SMG9: variants seen among roughly 807,000 people sequenced by gnomAD.
The protein encoded by SMG9 is SMG9 nonsense mediated mRNA decay factor, also known as nonsense-mediated mRNA decay factor SMG9.
A neutral mutation model predicts 64.0 loss-of-function variants in SMG9; 55 were observed. The ratio of observed to expected loss-of-function variants is 0.86; its 90% CI spans 0.69 to 1.08. The LOEUF is 1.08. SMG9 is among the 50% of genes least tolerant of loss of function. The probability of loss-of-function intolerance (pLI) is 0.00; values close to 1 mark genes in which losing one functional copy is unlikely to be tolerated. For missense variants in SMG9, 554 were observed against 681.3 expected (o/e 0.81, Z 2.08); for synonymous variants, 244 against 254.8 (o/e 0.96, Z 0.41).
At chr19:43,736,428 G>A (rs540925962) in intron 9 of SMG9, among the ~76,000 whole-genome samples, 2 of 151,836 alleles carry the variant, frequency 1.3e-5, no homozygotes, top group South Asian at 2.1e-4. Flanking sequence ...ACCTCCCAGC[G>A]GTCTCCTGGG....
At chr19:43,740,365 G>T (rs2146379423) in intron 6 of SMG9, 147 bp from the exon 7 acceptor site, 1 of 659,326 alleles carries the variant, frequency 1.5e-6, no homozygotes. Flanking sequence ...GTCAGGGGGT[G>T]GGAGGCGGGG....
intron 5 of SMG9, among the ~76,000 whole-genome samples, chr19:43,745,199 G>A (rs576794713): frequency 6.6e-6 from 1 of 152,328 alleles, no homozygotes; most frequent in African/African-American, 2.4e-5. Context: ...TGATCTTGGA[G>A]AAGTGAAAGT....
intron 2 of SMG9, among the ~76,000 whole-genome samples, chr19:43,748,500 G>A (rs1038241616): frequency 1.3e-5 from 2 of 152,228 alleles, no homozygotes; most frequent in Non-Finnish European, 2.9e-5. Context: ...TGATGAGGAT[G>A]AAAGGAGAGA....
chr19:43,738,186 A>C lies in SMG9; in HGVS notation c.845T>G (p.Leu282Arg). Reference sequence around the variant, plus strand: ...AGGCAGTTTGCGGTCATTATTGATGAGATGGTCTAGGATAGAAGGGCTCAG... The same window carrying C: ...AGGCAGTTTGCGGTCATTATTGATGCGATGGTCTAGGATAGAAGGGCTCAG... ...PILSPSILDH[L>R]INNDRKLPPE... The change falls in exon 8 of 14, where the codon CTC becomes CGC. Residue 282 changes from leucine to arginine, a missense_variant. Transcript: ENST00000270066. 1 of 1,614,120 alleles carries C rather than the reference A, an allele frequency of 6.2e-7. No homozygotes were observed. The highest frequency in any genetic ancestry group is 8.5e-7 in the Non-Finnish European group (1 of 1,180,012).
chr19:43,733,323 C>T lies in SMG9; in HGVS notation c.1339+1G>A, dbSNP rs140688761. 3 of 1,613,706 alleles carry T rather than the reference C, an allele frequency of 1.9e-6. No individual in the cohort carries two copies. The highest frequency in any genetic ancestry group is 1.3e-5 in the African/African-American group (1 of 74,854). On this transcript the variant is annotated splice_donor_variant, in intron 12 of 13. Transcript: ENST00000270066. LOFTEE classifies it high-confidence loss of function. ...CATGAACCTGTTGAGGGTAACTGTA[C>T]CTGCTCTTGGTGGGTTTTCACTCTC... is the stretch of plus-strand genomic sequence containing the variant.
intron 7 of SMG9, among the ~76,000 whole-genome samples, chr19:43,739,095 C>T (rs1968764106): frequency 6.6e-6 from 1 of 152,210 alleles, no homozygotes; most frequent in Non-Finnish European, 1.5e-5. Context: ...TGGGAACAGA[C>T]ACGGTGGCAA....
At position 43,731,463 on chromosome 19, in the gene SMG9, G is replaced by A; in HGVS notation, c.*133C>T. 2 of 1,491,408 alleles carry A rather than the reference G, an allele frequency of 1.3e-6. No individual in the cohort carries two copies. The highest frequency in any genetic ancestry group is 1.8e-6 in the Non-Finnish European group (2 of 1,117,450). The allele number at this position is 1,491,408 out of a possible 1,614,324, so 92.4% of individuals were successfully genotyped here. ...GGCCCTGGACACCTCATGTCTCTGGGCCGGGAAGCCACGATCCCTCATCCA... is the reference window on the plus strand; with the variant it reads ...GGCCCTGGACACCTCATGTCTCTGGACCGGGAAGCCACGATCCCTCATCCA... On this transcript the variant is annotated 3_prime_UTR_variant, in exon 14 of 14. Transcript: ENST00000270066.
At chr19:43,740,359 G>T (rs1233413671) in intron 6 of SMG9, 141 bp from the exon 7 acceptor site, 1 of 675,302 alleles carries the variant, frequency 1.5e-6, no homozygotes. Context: ...GCCCATGTCA[G>T]GGGGTGGGAG....
At position 43,736,924 on chromosome 19, in the gene SMG9, G is replaced by A. The variant is rs192855377; in HGVS notation, c.995+673C>T. ...AAGGGTATTTCCCACTGAGGGAGGC[G>A]GAGTGCAGAGGTCCTGGGCTGCAGG... On this transcript the variant is annotated intron_variant, in intron 9 of 13. Transcript: ENST00000270066. 6.4e-4 allele frequency among the ~76,000 whole-genome samples: 97 copies of A among 152,286 alleles called. 1 individual carries two copies. The South Asian group carries it at 8.9e-3, about 14-fold the overall frequency.
At chr19:43,746,941 C>G (rs1439864467) in intron 5 of SMG9, among the ~76,000 whole-genome samples, 2 of 151,970 alleles carry the variant, frequency 1.3e-5, no homozygotes, top group Admixed American at 1.3e-4. Context: ...CTTACCTCAG[C>G]CTCCTGAGTG....
rs1223867108 is a variant in SMG9 at position 43,754,921 on chromosome 19, C to G, written c.-274G>C. 6.6e-6 allele frequency: 1 copy of G among 152,310 alleles called. No homozygotes were observed. The highest frequency in any genetic ancestry group is 1.5e-5 in the Non-Finnish European group (1 of 68,088). The allele number at this position is 152,310 out of a possible 1,614,324, so 9.4% of individuals were successfully genotyped here. A position where few individuals can be genotyped will look rare whatever the true frequency, so the allele number is the denominator to read the frequency against. ...CTGAGATCAGTTCCCTCAGGCGACT[C>G]GTCCTGCGCATGCGCTGAGGGCTGG... On this transcript the variant is annotated 5_prime_UTR_variant, in exon 1 of 14. Transcript: ENST00000270066.
chr19:43,733,907 A>C (rs1443925089), intron 10 of SMG9, 174 bp from the exon 11 acceptor site: 1 of 604,562 alleles, frequency 1.7e-6, no homozygotes, highest in Non-Finnish European at 2.9e-6. Context: ...CTGGGGACCC[A>C]GAAGTGAGTC....
Position 43,728,955 on chromosome 19 carries a change from C to CT in SMG9, c.*2640dup. The CT allele has an allele frequency of 1.0e-6, 1 of 985,396 alleles. No individual in the cohort carries two copies. Among genetic ancestry groups the CT allele is most frequent in the Non-Finnish European group, 1.2e-6 (1 of 829,844 alleles). The allele number at this position is 985,396 out of a possible 1,614,324, so 61.0% of individuals were successfully genotyped here. A position where few individuals can be genotyped will look rare whatever the true frequency, so the allele number is the denominator to read the frequency against. ...AGGCATTCCTGGTGGCCAGGCCCAT[C>CT]TTGCAGCCCATCCTAGAGCAGAAGG... On this transcript the variant is annotated 3_prime_UTR_variant, in exon 14 of 14. Coordinates refer to ENST00000270066, the MANE Select transcript of SMG9 (RefSeq NM_019108.4).
At chr19:43,738,324 G>A (rs920057625) in intron 7 of SMG9, 107 bp from the exon 8 acceptor site, 2 of 958,886 alleles carry the variant, frequency 2.1e-6, no homozygotes, top group Admixed American at 2.3e-5. Context: ...AACAAAGGCA[G>A]GCAATTTCTA....
rs1600184785 is a variant in SMG9, at chr19:43,729,701, G to C, written c.*1895C>G. On this transcript the variant is annotated 3_prime_UTR_variant, in exon 14 of 14. Coordinates refer to ENST00000270066, the MANE Select transcript of SMG9 (RefSeq NM_019108.4). ...AGGGGTGGGGATGAGACTTGGGGCAGACATTTTGACAAGGCAGGGAAGAGC... is the reference window on the plus strand; with the variant it reads ...AGGGGTGGGGATGAGACTTGGGGCACACATTTTGACAAGGCAGGGAAGAGC... The C allele has an allele frequency of 6.6e-6, 1 of 152,658 alleles. No homozygotes were observed. The highest frequency in any genetic ancestry group is 1.5e-5 in the Non-Finnish European group (1 of 68,318). The allele number at this position is 152,658 out of a possible 1,614,324, so 9.5% of individuals were successfully genotyped here.
At chr19:43,746,965 C>T (rs1438615664) in intron 5 of SMG9, among the ~76,000 whole-genome samples, 1 of 152,018 alleles carries the variant, frequency 6.6e-6, no homozygotes, top group African/African-American at 2.4e-5. Context: ...TGGATGCCTC[C>T]TGCCACCATG....
Position 43,736,183 on chromosome 19 carries a change from A to G in SMG9, c.995+1414T>C, listed in dbSNP as rs1394154712. Among the ~76,000 whole-genome samples the G allele has an allele frequency of 5.3e-5, 8 of 152,346 alleles. No individual in the cohort carries two copies. In the South Asian group the frequency reaches 1.4e-3, roughly 28 times the overall value. On this transcript the variant is annotated intron_variant, in intron 9 of 13. Transcript: ENST00000270066. ...AAGTTTTCTCCATCAACTGCTTACT[A>G]TGTAACAGGGACTAAGCTGAATGCT...
In SMG9 at chr19:43,754,953, A is replaced by C. The variant is rs2071541624; in HGVS notation, c.-306T>G. The C allele has an allele frequency of 6.6e-6, 1 of 152,286 alleles. No individual in the cohort carries two copies. The highest frequency in any genetic ancestry group is 2.4e-5 in the African/African-American group (1 of 41,476). 9.4% of individuals were successfully genotyped at this position (152,286 alleles called of 1,614,324 possible). ...CGCATGCGCTGAGGGCTGGAGCTCG[A>C]GAACTGAATGCGCTCGCCGGGCTGA... On this transcript the variant is annotated 5_prime_UTR_variant, in exon 1 of 14. Transcript: ENST00000270066.
chr19:43,741,880 G>A (rs998249315), intron 6 of SMG9, among the ~76,000 whole-genome samples: 58 of 152,282 alleles, frequency 3.8e-4, no homozygotes, highest in Admixed American at 3.6e-3. Context: ...GGGCATGGTC[G>A]CTCATGCCTG....
Sources: gnomAD v4.1 joint callset for allele counts (sites outside exome capture counted in the v4.1 genomes callset) on GRCh38, gnomAD v4.1.1 for gene constraint, MANE v1.5 for transcripts, NCBI Gene and HGNC (gene_info 2026-07-23, HGNC 2026-07-21) for gene names.